Variants in ADAMTS6 observed in about 807,000 individuals in gnomAD.
ADAMTS6 encodes the protein A disintegrin and metalloproteinase with thrombospondin motifs 6.
A neutral mutation model predicts 144.3 loss-of-function variants in ADAMTS6; 23 were observed. That is an observed-to-expected ratio of 0.16 (90% confidence interval 0.11 to 0.23). The LOEUF (loss-of-function observed/expected upper bound fraction) is 0.23, where lower values mean the gene tolerates loss of function less well. Among genes scored for constraint, ADAMTS6 ranks in the 10% least tolerant of loss-of-function variants. The probability of loss-of-function intolerance (pLI) is 1.00; values close to 1 mark genes in which losing one functional copy is unlikely to be tolerated. For missense variants in ADAMTS6, 999 were observed against 1,379.6 expected, an observed-to-expected ratio of 0.72 and a Z score of 4.37; for synonymous variants, 444 against 457.5, an observed-to-expected ratio of 0.97 and a Z score of 0.38.
chr5:65,395,284 T>C (rs1448105282), intron 7 of ADAMTS6, among the ~76,000 whole-genome samples: 1 of 151,956 alleles, frequency 6.6e-6, no homozygotes, highest in Admixed American at 6.5e-5. Context: ...CTCTGGATAA[T>C]CACTAAAGAC....
intron 15 of ADAMTS6, among the ~76,000 whole-genome samples, chr5:65,240,755 C>A (rs1391573736): frequency 1.3e-5 from 2 of 152,090 alleles, no homozygotes; most frequent in Non-Finnish European, 2.9e-5. Flanking sequence ...AAATAAATTT[C>A]TATTTTAAGA....
At chr5:65,459,724 C>T (rs548564226) in intron 4 of ADAMTS6, among the ~76,000 whole-genome samples, 42 of 152,184 alleles carry the variant, frequency 2.8e-4, no homozygotes, top group African/African-American at 9.6e-4. Context: ...GTTTGTTGCC[C>T]GTACTACATA....
intron 11 of ADAMTS6, 125 bp from the exon 12 acceptor site, chr5:65,273,572 T>C (rs537417537): frequency 3.4e-5 from 23 of 684,214 alleles, no homozygotes; most frequent in African/African-American, 3.1e-4. Context: ...TGCTGAAGCA[T>C]CGCAGTTGAG....
chr5:65,261,891 T>G (rs1290990528), intron 13 of ADAMTS6, among the ~76,000 whole-genome samples: 3 of 150,706 alleles, frequency 2.0e-5, no homozygotes, highest in Non-Finnish European at 4.4e-5. Context: ...GGATCCTGAG[T>G]TAAAAATGGA....
chr5:65,427,313 T>TA (rs1181371721), intron 7 of ADAMTS6, among the ~76,000 whole-genome samples: 2 of 151,470 alleles, frequency 1.3e-5, no homozygotes, highest in Non-Finnish European at 2.9e-5. Context: ...TTATTATTAT[T>TA]TTTTTTTAGA....
chr5:65,228,623 A>C (rs1349327537), intron 15 of ADAMTS6, among the ~76,000 whole-genome samples: 1 of 152,126 alleles, frequency 6.6e-6, no homozygotes, highest in Admixed American at 6.5e-5. Flanking sequence ...CAAATCGAAG[A>C]GGTTTAAGAC....
chr5:65,360,707 A>T (rs16893730), intron 7 of ADAMTS6, among the ~76,000 whole-genome samples: 4,328 of 152,224 alleles, frequency 0.028, 200 homozygotes, highest in African/African-American at 0.098. Context: ...TTCTTATTTC[A>T]TTCACACGGT....
chr5:65,310,707 T>A (rs1436411020), intron 9 of ADAMTS6, among the ~76,000 whole-genome samples: 1 of 152,190 alleles, frequency 6.6e-6, no homozygotes, highest in Non-Finnish European at 1.5e-5. Flanking sequence ...TATTTTAAAG[T>A]TTTCTATAGA....
chr5:65,311,833 T>C (rs1744523451), intron 9 of ADAMTS6, among the ~76,000 whole-genome samples: 1 of 152,080 alleles, frequency 6.6e-6, no homozygotes, highest in South Asian at 2.1e-4. Context: ...TTTAAAATCA[T>C]AACAGATGTT....
At chr5:65,239,188 G>A (rs973108483) in intron 15 of ADAMTS6, among the ~76,000 whole-genome samples, 1 of 150,856 alleles carries the variant, frequency 6.6e-6, no homozygotes, top group Admixed American at 6.6e-5. Flanking sequence ...AATGGGTGCA[G>A]CACACCAACA....
chr5:65,322,688 G>T (rs1346562420), intron 9 of ADAMTS6, among the ~76,000 whole-genome samples: 2 of 149,752 alleles, frequency 1.3e-5, no homozygotes, highest in African/African-American at 4.9e-5. Flanking sequence ...CTTAACTATT[G>T]TTGGTCTATA....
At chr5:65,441,901 T>C (rs1757888835) in intron 7 of ADAMTS6, among the ~76,000 whole-genome samples, 1 of 149,758 alleles carries the variant, frequency 6.7e-6, no homozygotes, top group Admixed American at 6.6e-5. Context: ...GAACTGAAAC[T>C]CAACATATCC....
In ADAMTS6 at chr5:65,481,753, T is replaced by C. The variant is rs1317760515; in HGVS notation, c.-690A>G. On this transcript the variant is annotated 5_prime_UTR_variant, in exon 1 of 25. Transcript: ENST00000381055. ...AAGCTTAGTGCCTTTGCTATGCAAA[T>C]AACATGTGCAGAGCATCAAAAGGTA... 6.6e-6 allele frequency: 1 copy of C among 152,146 alleles called. No homozygotes were observed. Among genetic ancestry groups the C allele is most frequent in the African/African-American group, 2.4e-5 (1 of 41,346 alleles). The allele number at this position is 152,146 out of a possible 1,614,324, so 9.4% of individuals were successfully genotyped here. A position where few individuals can be genotyped will look rare whatever the true frequency, so the allele number is the denominator to read the frequency against.
chr5:65,364,695 T>C (rs1379354741), intron 7 of ADAMTS6, among the ~76,000 whole-genome samples: 1 of 151,302 alleles, frequency 6.6e-6, no homozygotes, highest in Non-Finnish European at 1.5e-5. Flanking sequence ...GCCTCCTGAG[T>C]AGCTGGGACT....
intron 3 of ADAMTS6, among the ~76,000 whole-genome samples, chr5:65,468,769 C>T (rs1760218223): frequency 6.6e-6 from 1 of 152,296 alleles, no homozygotes; most frequent in Non-Finnish European, 1.5e-5. Context: ...CAACTTTATT[C>T]TCACTTTTGA....
chr5:65,401,235 C>T (rs979718400), intron 7 of ADAMTS6, among the ~76,000 whole-genome samples: 1 of 152,116 alleles, frequency 6.6e-6, no homozygotes, highest in African/African-American at 2.4e-5. Flanking sequence ...CCTTTCAGTG[C>T]ACCTATGCCT....
intron 14 of ADAMTS6, among the ~76,000 whole-genome samples, chr5:65,248,470 AC>A (rs1484089838): frequency 6.6e-6 from 1 of 152,120 alleles, no homozygotes; most frequent in African/African-American, 2.4e-5. Flanking sequence ...AATGCCATCT[AC>A]CTACAGCAAA....
Position 65,300,921 on chromosome 5 carries a change from G to A in ADAMTS6, c.1224-790C>T, listed in dbSNP as rs377758398. Among the ~76,000 whole-genome samples the A allele has an allele frequency of 1.4e-4, 21 of 152,240 alleles. No individual in the cohort carries two copies. The East Asian group carries it at 3.1e-3, about 22-fold the overall frequency. On this transcript the variant is annotated intron_variant, in intron 9 of 24. Coordinates refer to ENST00000381055, the MANE Select transcript of ADAMTS6 (RefSeq NM_197941.4). ...GCTGGGATTAAAGGCGGGAGCCACC[G>A]CGCCCGGCCGTAAGTCCTTTTTCTC...
intron 20 of ADAMTS6, among the ~76,000 whole-genome samples, chr5:65,213,150 T>A (rs1756652438): frequency 1.3e-5 from 2 of 152,262 alleles, no homozygotes; most frequent in Admixed American, 1.3e-4. Context: ...CCAGCCATTT[T>A]ACACATAAAA....
Sources: allele counts gnomAD v4.1 joint callset (sites outside exome capture counted in the v4.1 genomes callset), GRCh38; gene constraint gnomAD v4.1.1; transcripts MANE v1.5; gene names NCBI Gene and HGNC (gene_info 2026-07-23, HGNC 2026-07-21).